Variants in RBFOX1 observed in about 807,000 individuals in gnomAD.
The protein encoded by RBFOX1 is RNA binding fox-1 homolog 1, also known as RNA binding protein fox-1 homolog 1.
A neutral mutation model predicts 57.7 loss-of-function variants in RBFOX1; 8 were observed. The observed-to-expected ratio is 0.14, with a 90% CI of 0.08 to 0.25. The LOEUF is 0.25. RBFOX1 is among the 10% of genes least tolerant of loss of function. The probability of loss-of-function intolerance (pLI) is 1.00; values close to 1 mark genes in which losing one functional copy is unlikely to be tolerated. For synonymous variants in RBFOX1, 326 were observed against 222.4 expected, an observed-to-expected ratio of 1.47 and a Z score of -4.15; for missense variants, 611 against 548.5, an observed-to-expected ratio of 1.11 and a Z score of -1.14.
chr16:7,671,660 C>G, intron 13 of RBFOX1: 5 of 1,441,364 alleles, frequency 3.5e-6, no homozygotes, highest in Non-Finnish European at 3.9e-6. Flanking sequence ...CTGTGAAATC[C>G]TTACTAACAA....
intron 11 of RBFOX1, among the ~76,000 whole-genome samples, chr16:7,636,919 C>A (rs2061857806): frequency 6.6e-6 from 1 of 152,044 alleles, no homozygotes; most frequent in African/African-American, 2.4e-5. Context: ...AAGGGCCCAC[C>A]CTCAGGACCT....
chr16:6,793,747 A>G (rs1304870191), intron 3 of RBFOX1, among the ~76,000 whole-genome samples: 1 of 152,226 alleles, frequency 6.6e-6, no homozygotes, highest in Non-Finnish European at 1.5e-5. Flanking sequence ...TAACACAGCA[A>G]GAAACATTAG....
chr16:5,366,687 T>C (rs1323779356), intron 1 of RBFOX1: 1 of 415,970 alleles, frequency 2.4e-6, no homozygotes, highest in Non-Finnish European at 4.6e-6. Context: ...GGAAGTCTCT[T>C]TAAGAAAATC....
At chr16:7,019,386 G>C (rs2094091059) in intron 3 of RBFOX1, among the ~76,000 whole-genome samples, 1 of 152,106 alleles carries the variant, frequency 6.6e-6, no homozygotes, top group South Asian at 2.1e-4. Context: ...CTTCATGAAA[G>C]TATGTGTGTG....
chr16:5,408,927 C>T (rs955662787), intron 1 of RBFOX1, among the ~76,000 whole-genome samples: 5 of 152,224 alleles, frequency 3.3e-5, no homozygotes, highest in East Asian at 1.9e-4. Flanking sequence ...CCCCGTGATC[C>T]GTTCACCTCC....
intron 1 of RBFOX1, among the ~76,000 whole-genome samples, chr16:6,257,257 T>C (rs1482690148): frequency 6.6e-6 from 1 of 152,010 alleles, no homozygotes; most frequent in African/African-American, 2.4e-5. Context: ...ATCCCGATGC[T>C]CTCCCTCCCC....
chr16:6,445,663 A>G (rs979814320), intron 2 of RBFOX1, among the ~76,000 whole-genome samples: 1 of 149,882 alleles, frequency 6.7e-6, no homozygotes, highest in Non-Finnish European at 1.5e-5. Flanking sequence ...GCTCACAGCA[A>G]CCTCCACCCC....
intron 4 of RBFOX1, among the ~76,000 whole-genome samples, chr16:6,000,039 G>T (rs1386990026): frequency 1.3e-5 from 2 of 152,108 alleles, no homozygotes. Flanking sequence ...TAGGCAGGCT[G>T]TGTGGGATGA....
At chr16:6,394,449 A>G (rs1011548988) in intron 2 of RBFOX1, among the ~76,000 whole-genome samples, 4 of 152,274 alleles carry the variant, frequency 2.6e-5, no homozygotes, top group South Asian at 4.1e-4. Context: ...GGAAGAAAGA[A>G]TATTGCTTCT....
intron 3 of RBFOX1, among the ~76,000 whole-genome samples, chr16:6,790,181 T>TTATTATTATTATTAC (rs1555469963): frequency 6.8e-6 from 1 of 146,742 alleles, no homozygotes; most frequent in Admixed American, 6.8e-5. Flanking sequence ...ATTATTATTA[T>TTATTATTATTATTAC]TATTATTATT....
chr16:7,359,646 G>A (rs532804826), intron 4 of RBFOX1, among the ~76,000 whole-genome samples: 37 of 152,234 alleles, frequency 2.4e-4, no homozygotes, highest in African/African-American at 8.4e-4. Flanking sequence ...TCTACAGCAC[G>A]TCTCTCCATC....
At chr16:7,516,256 C>G (rs528031547) in intron 4 of RBFOX1, among the ~76,000 whole-genome samples, 1 of 152,228 alleles carries the variant, frequency 6.6e-6, no homozygotes, top group East Asian at 1.9e-4. Flanking sequence ...GTGACTGGGA[C>G]TCAGTGGTGT....
chr16:5,787,493 G>C (rs1210445011), intron 3 of RBFOX1, among the ~76,000 whole-genome samples: 1 of 152,324 alleles, frequency 6.6e-6, no homozygotes, highest in Non-Finnish European at 1.5e-5. Context: ...GCCATGAGGG[G>C]ATGACACTGT....
chr16:6,750,253 A>G (rs1568456080), intron 3 of RBFOX1, among the ~76,000 whole-genome samples: 1 of 152,232 alleles, frequency 6.6e-6, no homozygotes, highest in Non-Finnish European at 1.5e-5. Flanking sequence ...TAAATTCATC[A>G]ATAGCTGTTA....
chr16:6,577,414 G>C (rs2097456463), intron 2 of RBFOX1: 1 of 152,212 alleles, frequency 6.6e-6, no homozygotes, highest in African/African-American at 2.4e-5. Context: ...CCAGTGCTTA[G>C]AACTTTTTAT....
intron 2 of RBFOX1, among the ~76,000 whole-genome samples, chr16:6,629,387 C>T (rs1391285739): frequency 1.3e-5 from 2 of 152,096 alleles, no homozygotes; most frequent in African/African-American, 4.8e-5. Context: ...GACTTTTGGC[C>T]CTGAGAGTAC....
At chr16:7,224,127 TAAAAAAAAA>T (rs1168449932) in intron 4 of RBFOX1, among the ~76,000 whole-genome samples, 18 of 52,264 alleles carry the variant, frequency 3.4e-4, no homozygotes, top group East Asian at 7.3e-4. Flanking sequence ...TTCCTTTTTC[TAAAAAAAAA>T]AAAAAAAAAA....
At chr16:7,411,580 A>C (rs575827211) in intron 4 of RBFOX1, among the ~76,000 whole-genome samples, 1 of 152,186 alleles carries the variant, frequency 6.6e-6, no homozygotes, top group East Asian at 1.9e-4. Context: ...GACATCGTGC[A>C]AAATATCTGA....
chr16:7,039,626 C>T (rs551340417), intron 3 of RBFOX1, among the ~76,000 whole-genome samples: 97 of 152,204 alleles, frequency 6.4e-4, no homozygotes, highest in Admixed American at 1.1e-3. Context: ...CCGCCATGAC[C>T]GGTGGTGGGA....
Sources: gnomAD v4.1 joint callset for allele counts (sites outside exome capture counted in the v4.1 genomes callset) on GRCh38, gnomAD v4.1.1 for gene constraint, MANE v1.5 for transcripts, NCBI Gene and HGNC (gene_info 2026-07-23, HGNC 2026-07-21) for gene names.